Variants in GJB1 observed in about 807,000 individuals in gnomAD.
GJB1 encodes the protein gap junction beta-1 protein.
GJB1 carries 1 observed loss-of-function variant against 12.0 expected under a neutral mutation model. That is an observed-to-expected ratio of 0.08 (90% CI 0.03 to 0.40). The LOEUF is 0.40. Among genes scored for constraint, GJB1 ranks in the 10% least tolerant of loss-of-function variants. The probability of loss-of-function intolerance (pLI) is 0.98; values close to 1 mark genes in which losing one functional copy is unlikely to be tolerated. For synonymous variants in GJB1, 114 were observed against 102.8 expected (o/e 1.11, Z -0.66); for missense variants, 140 against 250.3 (o/e 0.56, Z 2.97).
chrX:71,222,487 A>G (rs937128044), upstream of GJB1: 1 of 104,342 alleles, frequency 9.6e-6, no homozygotes, highest in African/African-American at 3.5e-5. Flanking sequence ...TGATCTGCCC[A>G]CTTCAGCCTC....
At chrX:71,217,541 T>C (rs1255814793) in intron 1 of GJB1, 7 of 111,846 alleles carry the variant, frequency 6.3e-5, no homozygotes, top group African/African-American at 2.3e-4. Context: ...ACACCGAGGA[T>C]ATCAATACGG....
chrX:71,219,406 C>T (rs2092531948), upstream of GJB1, among the ~76,000 whole-genome samples: 1 of 108,360 alleles, frequency 9.2e-6, no homozygotes, highest in Admixed American at 1.0e-4. Context: ...TAGACTCAAG[C>T]GATACTCCTA....
At chrX:71,219,291 G>A (rs1012826888), upstream of GJB1, among the ~76,000 whole-genome samples, 2 of 108,578 alleles carry the variant, frequency 1.8e-5, no homozygotes, top group African/African-American at 6.7e-5. Context: ...AAGTAGCTAG[G>A]ACTATGGGTG....
chrX:71,220,496 GTT>G (rs1243311254), upstream of GJB1, among the ~76,000 whole-genome samples: 26 of 106,783 alleles, frequency 2.4e-4, no homozygotes, highest in Non-Finnish European at 4.2e-4. Flanking sequence ...TTGTTTGTTT[GTT>G]TGTTTGTTTG....
chrX:71,224,702 C>T lies in GJB1; in HGVS notation c.*143C>T, dbSNP rs1252712791. The T allele has an allele frequency of 1.0e-5, 6 of 580,845 alleles. No homozygotes were observed. The highest frequency in any genetic ancestry group is 2.8e-5 in the Admixed American group (1 of 35,220). The allele number at this position is 580,845 out of a possible 1,213,427, so 47.9% of individuals were successfully genotyped here. The stretch of plus-strand genomic sequence containing the variant: ...CTTCCCTGGCTACTTCCCTTCCTCC[C>T]GGGGCCTTCCTTTTGAGGAGCTGGA... On this transcript the variant is annotated 3_prime_UTR_variant, in exon 2 of 2. Transcript: ENST00000361726.
chrX:71,218,738 G>T (rs1427829395), upstream of GJB1, among the ~76,000 whole-genome samples: 2 of 108,599 alleles, frequency 1.8e-5, no homozygotes, highest in South Asian at 4.0e-4. Flanking sequence ...AAAAAAATTA[G>T]CCGGGCGTGG....
upstream of GJB1, among the ~76,000 whole-genome samples, chrX:71,219,031 A>C (rs41483845): frequency 0.027 from 3,026 of 110,767 alleles, 91 homozygotes; most frequent in East Asian, 0.13. Flanking sequence ...AGGATAAAGC[A>C]ACACTTACCT....
intron 1 of GJB1, among the ~76,000 whole-genome samples, chrX:71,216,123 G>A (rs142413175): frequency 0.014 from 1,553 of 110,355 alleles, 29 homozygotes; most frequent in African/African-American, 0.049. Context: ...TGCCCGCTTC[G>A]GCCTCCCAAA....
chrX:71,216,524 C>T (rs1055230869), intron 1 of GJB1, among the ~76,000 whole-genome samples: 2 of 109,256 alleles, frequency 1.8e-5, no homozygotes, highest in African/African-American at 3.3e-5. Flanking sequence ...TGAATATACA[C>T]ACAGGGGGCA....
chrX:71,220,984 C>T (rs2092536775), upstream of GJB1, among the ~76,000 whole-genome samples: 1 of 101,298 alleles, frequency 9.9e-6, no homozygotes, highest in Non-Finnish European at 2.0e-5. Flanking sequence ...GCAATCTCCG[C>T]CTCCTGGGTT....
chrX:71,222,187 G>C (rs1395419799), upstream of GJB1, among the ~76,000 whole-genome samples: 1 of 110,326 alleles, frequency 9.1e-6, no homozygotes, highest in Non-Finnish European at 1.9e-5. Flanking sequence ...AGAAAAAGGA[G>C]AGATCTTGGG....
rs1274108708 is a variant in GJB1, at chrX:71,224,415, C to T, written c.708C>T (p.Gly236=). 1 of 1,210,198 alleles carries T rather than the reference C, an allele frequency of 8.3e-7. No homozygotes were observed. The highest frequency in any genetic ancestry group is 1.8e-5 in the South Asian group (1 of 56,729). The change falls in exon 2 of 2, where the codon GGC becomes GGT. Residue 236 remains glycine (G), a synonymous_variant. Transcript: ENST00000361726. Reference sequence around the variant, plus strand: ...CTTCCCGCAAGGGCTCGGGCTTCGGCCACCGCCTCTCACCTGAATACAAGC... The same window carrying T: ...CTTCCCGCAAGGGCTCGGGCTTCGGTCACCGCCTCTCACCTGAATACAAGC... The part of the protein sequence containing the change: ...NPPSRKGSGF[G]HRLSPEYKQN...
chrX:71,217,652 A>G (rs2092528179), intron 1 of GJB1: 2 of 111,853 alleles, frequency 1.8e-5, no homozygotes, highest in South Asian at 7.5e-4. Context: ...ATATTGACAT[A>G]GGGATCAGTT....
intron 1 of GJB1, among the ~76,000 whole-genome samples, chrX:71,217,385 A>C (rs1602346002): frequency 8.9e-6 from 1 of 111,935 alleles, no homozygotes; most frequent in Non-Finnish European, 1.9e-5. Flanking sequence ...ATATTACAGG[A>C]CTGCTGTAAG....
chrX:71,220,233 T>C (rs1199078215), upstream of GJB1, among the ~76,000 whole-genome samples: 2 of 95,726 alleles, frequency 2.1e-5, no homozygotes, highest in African/African-American at 8.0e-5. Flanking sequence ...GGTTTCACCA[T>C]GTTAGCCAGG....
rs2092544200 is a variant in GJB1, at chrX:71,224,052, A to G, written c.345A>G (p.Leu115=). The part of the protein sequence containing the change: ...MLRLEGHGDP[L]HLEEVKRHKV... The stretch of plus-strand genomic sequence containing the variant: ...GGCTTGAGGGCCATGGGGACCCCCT[A>G]CACCTGGAGGAGGTGAAGAGGCACA... The change falls in exon 2 of 2, where the codon CTA becomes CTG. Residue 115 remains leucine (L), a synonymous_variant. Transcript: ENST00000361726. 6 of 1,202,391 alleles carry G rather than the reference A, an allele frequency of 5.0e-6. No homozygotes were observed. Among genetic ancestry groups the G allele is most frequent in the African/African-American group, 1.7e-5 (1 of 57,499 alleles).
upstream of GJB1, among the ~76,000 whole-genome samples, chrX:71,219,275 C>T (rs2092531771): frequency 2.8e-5 from 3 of 108,545 alleles, no homozygotes; most frequent in Non-Finnish European, 5.7e-5. Context: ...CCTGCCACAG[C>T]CTCTTAAGTA....
upstream of GJB1, among the ~76,000 whole-genome samples, chrX:71,218,663 C>A: frequency 9.1e-6 from 1 of 110,059 alleles, no homozygotes; most frequent in Non-Finnish European, 1.9e-5. Context: ...GCGGGCGGAT[C>A]ACGAGGTCAG....
At chrX:71,220,141 C>CTTTTTTTTTTTTTTT (rs1569213982), upstream of GJB1, among the ~76,000 whole-genome samples, 21 of 69,448 alleles carry the variant, frequency 3.0e-4, 1 homozygote, top group African/African-American at 1.9e-3. Context: ...CTGTGCCTGG[C>CTTTTTTTTTTTTTTT]CTTTTTTTTT....
Sources: allele counts gnomAD v4.1 joint callset (sites outside exome capture counted in the v4.1 genomes callset), GRCh38; gene constraint gnomAD v4.1.1; transcripts MANE v1.5; gene names NCBI Gene and HGNC (gene_info 2026-07-23, HGNC 2026-07-21).